RHEX: variants seen among roughly 807,000 people sequenced by gnomAD.
The protein encoded by RHEX is regulator of hemoglobinization and erythroid cell expansion protein.
RHEX carries 18 observed loss-of-function variants against 20.1 expected under a neutral mutation model. That is an observed-to-expected ratio of 0.90 (90% CI 0.62 to 1.33). The LOEUF is 1.33. Ranked by LOEUF, RHEX falls within the 40% of genes most tolerant of loss-of-function variation. The probability of loss-of-function intolerance (pLI) is 0.00; values close to 1 mark genes in which losing one functional copy is unlikely to be tolerated. For missense variants in RHEX, 192 were observed against 214.3 expected (o/e 0.90, Z 0.65); for synonymous variants, 87 against 77.1 (o/e 1.13, Z -0.67).
intron 1 of RHEX, among the ~76,000 whole-genome samples, chr1:206,065,141 G>A (rs1218998072): frequency 1.3e-5 from 2 of 152,164 alleles, no homozygotes; most frequent in Non-Finnish European, 2.9e-5. Flanking sequence ...AAATGCTGCG[G>A]AAGGCCGCAG....
chr1:206,068,779 A>G (rs939210176), intron 1 of RHEX, among the ~76,000 whole-genome samples: 4 of 152,222 alleles, frequency 2.6e-5, no homozygotes, highest in Admixed American at 6.5e-5. Flanking sequence ...CACTCATTGT[A>G]TAAGGTACTT....
chr1:206,067,403 C>G lies in RHEX; in HGVS notation c.-97+14138C>G, dbSNP rs74809769. Among the ~76,000 whole-genome samples, 462 of 152,242 alleles carry G rather than the reference C, an allele frequency of 3.0e-3. 1 individual carries two copies. Among genetic ancestry groups the G allele is most frequent in the African/African-American group, 0.01 (433 of 41,516 alleles). ...TCAAAGTTTCCCAAAGGGTATTTTT[C>G]TAGTTATGAGAGACATTAATGGGTG... On this transcript the variant is annotated intron_variant, in intron 1 of 5. Coordinates refer to ENST00000331555, the MANE Select transcript of RHEX (RefSeq NM_001007544.4). This position sits in a 1 kb window ranked among gnomAD's most constrained non-coding sequence, Gnocchi z 4.6.
At chr1:206,101,402 C>G (rs940999059) in intron 5 of RHEX, among the ~76,000 whole-genome samples, 2 of 152,162 alleles carry the variant, frequency 1.3e-5, no homozygotes, top group African/African-American at 2.4e-5. Flanking sequence ...CAAAGTGGGT[C>G]TGAACAGACT....
At chr1:206,063,511 C>T (rs1416130112) in intron 1 of RHEX, among the ~76,000 whole-genome samples, 1 of 152,254 alleles carries the variant, frequency 6.6e-6, no homozygotes, top group Non-Finnish European at 1.5e-5. Context: ...CCTGCCTCAG[C>T]CTGCGGAGTG....
intron 1 of RHEX, among the ~76,000 whole-genome samples, chr1:206,068,605 T>C (rs1553284389): frequency 6.6e-6 from 1 of 152,204 alleles, no homozygotes; most frequent in African/African-American, 2.4e-5. Context: ...AGATAAACCC[T>C]CTGGAAATTC....
In RHEX at chr1:206,078,453, C is replaced by T. The variant is rs144287203; in HGVS notation, c.-96-19280C>T. 2.9e-3 allele frequency among the ~76,000 whole-genome samples: 447 copies of T among 151,968 alleles called. 4 individuals carry two copies. The highest frequency in any genetic ancestry group is 0.021 in the Middle Eastern group (6 of 292). ...GCTTGGGCCTATAGTCCCAGCTACT[C>T]AGGAGGCTAAGGCAGGAGGATGGCT... is the stretch of plus-strand genomic sequence containing the variant. On this transcript the variant is annotated intron_variant, in intron 1 of 5. Coordinates refer to ENST00000331555, the MANE Select transcript of RHEX (RefSeq NM_001007544.4).
In RHEX at chr1:206,078,923, G is replaced by T. The variant is rs185124660; in HGVS notation, c.-96-18810G>T. On this transcript the variant is annotated intron_variant, in intron 1 of 5. Coordinates refer to ENST00000331555, the MANE Select transcript of RHEX (RefSeq NM_001007544.4). ...GTGCAAAAAGTCATTTAGCTGGGGGGATGCAAAAGGTAAACAAATATTGCA... is the reference window on the plus strand; with the variant it reads ...GTGCAAAAAGTCATTTAGCTGGGGGTATGCAAAAGGTAAACAAATATTGCA... Among the ~76,000 whole-genome samples the T allele has an allele frequency of 2.8e-3, 420 of 152,300 alleles. 6 individuals carry two copies. The South Asian group carries it at 0.031, about 11-fold the overall frequency.
chr1:206,062,992 G>A lies in RHEX; in HGVS notation c.-97+9727G>A, dbSNP rs377140619. 9.2e-5 allele frequency among the ~76,000 whole-genome samples: 14 copies of A among 152,262 alleles called. No individual in the cohort carries two copies. The East Asian group carries it at 2.1e-3, about 23-fold the overall frequency. On this transcript the variant is annotated intron_variant, in intron 1 of 5. Transcript: ENST00000331555. ...CACAAAATGTCAGATGGTGGGATGT[G>A]CTACGGGGAAATAAAGCAAGCATTC...
chr1:206,098,478 G>A (rs570900425), intron 3 of RHEX: 6 of 337,178 alleles, frequency 1.8e-5, no homozygotes, highest in Admixed American at 8.3e-5. Flanking sequence ...GGAAGTGCTC[G>A]TGTAACCTGG....
intron 1 of RHEX, among the ~76,000 whole-genome samples, chr1:206,071,930 G>T (rs1284533506): frequency 6.6e-6 from 1 of 152,060 alleles, no homozygotes; most frequent in Non-Finnish European, 1.5e-5. Flanking sequence ...TGTTATAAAG[G>T]ATTATTTCCC....
At chr1:206,100,231 C>G (rs1275791905) in intron 4 of RHEX, among the ~76,000 whole-genome samples, 1 of 152,148 alleles carries the variant, frequency 6.6e-6, no homozygotes, top group Non-Finnish European at 1.5e-5. Flanking sequence ...TAGAGGGACC[C>G]TTTTTCATGG....
chr1:206,094,993 G>T (rs1663036424), intron 1 of RHEX, among the ~76,000 whole-genome samples: 1 of 151,994 alleles, frequency 6.6e-6, no homozygotes, highest in African/African-American at 2.4e-5. Context: ...AATGTGTGGG[G>T]TCATTTGGGG....
Position 206,064,199 on chromosome 1 carries a change from C to T in RHEX, c.-97+10934C>T, listed in dbSNP as rs1213848028. ...AGTTAGGAGCCTCTCCGCCCGGCAG[C>T]CGCCCCGTCTGGGAAGTGAGGAGCG... On this transcript the variant is annotated intron_variant, in intron 1 of 5. Transcript: ENST00000331555. Among the ~76,000 whole-genome samples, 25 of 149,720 alleles carry T rather than the reference C, an allele frequency of 1.7e-4. 1 individual carries two copies. The highest frequency in any genetic ancestry group is 5.0e-4 in the African/African-American group (20 of 39,996).
intron 1 of RHEX, among the ~76,000 whole-genome samples, chr1:206,091,698 C>T (rs1219532552): frequency 6.6e-6 from 1 of 152,190 alleles, no homozygotes; most frequent in East Asian, 1.9e-4. Context: ...CTTCCTAAGC[C>T]TTAGTTTCCT....
intron 1 of RHEX, among the ~76,000 whole-genome samples, chr1:206,054,953 C>T (rs566416134): frequency 2.1e-3 from 326 of 152,258 alleles, no homozygotes; most frequent in Non-Finnish European, 2.7e-3. Context: ...TAAGACAGCA[C>T]GCCAAGATGC....
intron 1 of RHEX, among the ~76,000 whole-genome samples, chr1:206,056,791 T>C (rs558317134): frequency 1.9e-4 from 29 of 149,014 alleles, no homozygotes; most frequent in Admixed American, 5.2e-4. Flanking sequence ...GTTCTCTAAA[T>C]TGGAAAAAAA....
intron 1 of RHEX, among the ~76,000 whole-genome samples, chr1:206,081,762 G>T (rs1219208740): frequency 1.4e-4 from 21 of 152,282 alleles, no homozygotes; most frequent in African/African-American, 4.6e-4. Flanking sequence ...ATCATGGAAG[G>T]TTCTGGTCCA....
At chr1:206,073,139 C>T (rs1662566991) in intron 1 of RHEX, among the ~76,000 whole-genome samples, 2 of 152,128 alleles carry the variant, frequency 1.3e-5, no homozygotes, top group African/African-American at 4.8e-5. Flanking sequence ...TGCCTGGCTC[C>T]TCCTGTGTCT....
chr1:206,059,016 C>T (rs1662255018), intron 1 of RHEX, among the ~76,000 whole-genome samples: 1 of 152,098 alleles, frequency 6.6e-6, no homozygotes, highest in African/African-American at 2.4e-5. Context: ...CTTTCTGGCC[C>T]TGGATAGACA....
Sources: allele counts gnomAD v4.1 joint callset (sites outside exome capture counted in the v4.1 genomes callset), GRCh38; gene constraint gnomAD v4.1.1; non-coding constraint Gnocchi (gnomAD v3.1); transcripts MANE v1.5; gene names NCBI Gene and HGNC (gene_info 2026-07-23, HGNC 2026-07-21).